The following PDE8B variants were observed in gnomAD, a reference collection of about 807,000 sequenced individuals.
PDE8B encodes the protein high affinity cAMP-specific and IBMX-insensitive 3',5'-cyclic phosphodiesterase 8B.
Under a neutral mutation model 101.3 loss-of-function variants are expected in PDE8B, and 26 were observed. The ratio of observed to expected loss-of-function variants is 0.26; its 90% CI spans 0.19 to 0.36. The LOEUF is 0.36. Among genes scored for constraint, PDE8B ranks in the 10% least tolerant of loss-of-function variants. PDE8B has a pLI of 1.00. For synonymous variants in PDE8B, 424 were observed against 429.3 expected, an observed-to-expected ratio of 0.99 and a Z score of 0.15; for missense variants, 810 against 1,163.1, an observed-to-expected ratio of 0.70 and a Z score of 4.42.
chr5:77,172,237 G>T, the PDE8B span, among the ~76,000 whole-genome samples: 1 of 152,146 alleles, frequency 6.6e-6, no homozygotes, highest in South Asian at 2.1e-4. Flanking sequence ...GTTCATTGTT[G>T]ACTCCTCAGT....
At chr5:77,269,829 A>T (rs867502742) in intron 1 of PDE8B, among the ~76,000 whole-genome samples, 1 of 152,074 alleles carries the variant, frequency 6.6e-6, no homozygotes, top group Non-Finnish European at 1.5e-5. Flanking sequence ...CCATTGCTCT[A>T]TGTGTCCGTT....
intron 1 of PDE8B, among the ~76,000 whole-genome samples, chr5:77,240,376 A>G (rs1326722963): frequency 6.6e-6 from 1 of 151,754 alleles, no homozygotes; most frequent in Admixed American, 6.6e-5. Flanking sequence ...GATGGTCTTG[A>G]TCTCCTGACC....
At chr5:77,108,178 T>A in the PDE8B span, among the ~76,000 whole-genome samples, 2 of 152,208 alleles carry the variant, frequency 1.3e-5, no homozygotes, top group Non-Finnish European at 2.9e-5. Flanking sequence ...AGTTTTTGGT[T>A]TTGTGTTTAG....
At chr5:77,351,018 T>C in intron 8 of PDE8B, 47 bp from the exon 9 acceptor site, 7 of 1,358,414 alleles carry the variant, frequency 5.2e-6, no homozygotes, top group Non-Finnish European at 7.4e-6. Flanking sequence ...CAGGAGCAGC[T>C]GTCATCCTTG....
At chr5:77,252,830 T>C (rs1242399047) in intron 1 of PDE8B, among the ~76,000 whole-genome samples, 1 of 152,222 alleles carries the variant, frequency 6.6e-6, no homozygotes, top group Non-Finnish European at 1.5e-5. Flanking sequence ...GCCAATATTT[T>C]CCATTAATTT....
Position 77,413,000 on chromosome 5 carries a change from G to A in PDE8B, c.1713-111G>A. The A allele has an allele frequency of 4.6e-6, 4 of 869,030 alleles. No homozygotes were observed. In the South Asian group the frequency reaches 5.3e-5, roughly 12 times the overall value. 53.8% of individuals were successfully genotyped at this position (869,030 alleles called of 1,614,324 possible). ...AGGAGATGCTTTTAAACCCCTGTGTGTGTGAAGCTATCATCAGAAGAAAAA... is the reference window on the plus strand; with the variant it reads ...AGGAGATGCTTTTAAACCCCTGTGTATGTGAAGCTATCATCAGAAGAAAAA... On this transcript the variant is annotated intron_variant, in intron 16 of 21. Transcript: ENST00000264917.
intron 5 of PDE8B, among the ~76,000 whole-genome samples, chr5:77,334,153 C>G (rs1007766877): frequency 2.0e-5 from 3 of 152,242 alleles, no homozygotes; most frequent in African/African-American, 7.2e-5. Flanking sequence ...TGCCAGTTAT[C>G]TTTGCCTTCC....
chr5:77,325,603 C>T lies in PDE8B; in HGVS notation c.464C>T (p.Ala155Val). 1 of 1,613,852 alleles carries T rather than the reference C, an allele frequency of 6.2e-7. No homozygotes were observed. The change falls in exon 3 of 22, where the codon GCT (alanine) becomes GTT (valine). Residue 155 changes from alanine (A) to valine (V), a missense_variant. Coordinates refer to ENST00000264917, the MANE Select transcript of PDE8B (RefSeq NM_003719.5). ...GGCTTCTGGTGGGCCTGCGACAGAG[C>T]TGGTTATAGATGCAATATTGCTCGG... The part of the protein sequence containing the change: ...SDGFWWACDR[A>V]GYRCNIARTP...
intron 1 of PDE8B, among the ~76,000 whole-genome samples, chr5:77,279,207 A>C (rs1764458534): frequency 6.6e-6 from 1 of 152,228 alleles, no homozygotes; most frequent in Non-Finnish European, 1.5e-5. Context: ...CTTAGTTCCA[A>C]ATTTCCAATT....
At chr5:77,249,296 C>T (rs559824079) in intron 1 of PDE8B, among the ~76,000 whole-genome samples, 1 of 152,342 alleles carries the variant, frequency 6.6e-6, no homozygotes, top group Non-Finnish European at 1.5e-5. Context: ...ACACCACAAA[C>T]ACTGTCCACT....
the PDE8B span, among the ~76,000 whole-genome samples, chr5:77,182,945 A>C: frequency 6.6e-6 from 1 of 151,898 alleles, no homozygotes; most frequent in Admixed American, 6.5e-5. Flanking sequence ...TTATTATAAG[A>C]GATTAAAAAG....
chr5:77,386,865 C>CTTTT lies in PDE8B; in HGVS notation c.1168-13357_1168-13354dup, dbSNP rs59393259. Among the ~76,000 whole-genome samples, 25 of 51,080 alleles carry CTTTT rather than the reference C, an allele frequency of 4.9e-4. 4 individuals are homozygous for CTTTT. Among genetic ancestry groups the CTTTT allele is most frequent in the African/African-American group, 1.3e-3 (14 of 10,756 alleles). The allele number at this position is 51,080 out of a possible 152,430, so 33.5% of individuals were successfully genotyped here. The stretch of plus-strand genomic sequence containing the variant: ...TTTTGCCTGTTAGTTGATGTAGTTT[C>CTTTT]TTTTTTTTTTTTTTTTTTTTTTTTT... On this transcript the variant is annotated intron_variant, in intron 10 of 21. Transcript: ENST00000264917.
At chr5:77,193,742 A>G in the PDE8B span, among the ~76,000 whole-genome samples, 4 of 152,312 alleles carry the variant, frequency 2.6e-5, no homozygotes, top group East Asian at 7.7e-4. Context: ...TATTGAATCT[A>G]TAGATCAATT....
chr5:77,394,991 G>A (rs140907727), intron 10 of PDE8B, among the ~76,000 whole-genome samples: 70 of 152,262 alleles, frequency 4.6e-4, no homozygotes, highest in African/African-American at 1.0e-3. Context: ...TTCCAATCTA[G>A]GGTAAATACA....
At chr5:77,278,016 A>G (rs1764183723) in intron 1 of PDE8B, among the ~76,000 whole-genome samples, 1 of 152,214 alleles carries the variant, frequency 6.6e-6, no homozygotes, top group South Asian at 2.1e-4. Context: ...TGAGCTAATC[A>G]GAGCTGTTTT....
chr5:77,351,076 G>A lies in PDE8B; in HGVS notation c.1029G>A (p.Gly343=). The change falls in exon 9 of 22, where the codon GGG becomes GGA. Residue 343 remains glycine, a synonymous_variant. Transcript: ENST00000264917. Reference sequence around the variant, plus strand: ...CTTTGTCCATGTAGGAGTGGCAGGGGGTTTACTATGCCAGACGGAAATCCG... The same window carrying A: ...CTTTGTCCATGTAGGAGTGGCAGGGAGTTTACTATGCCAGACGGAAATCCG... The part of the protein sequence containing the change: ...TCIKKGKEWQ[G]VYYARRKSGD... The A allele has an allele frequency of 1.2e-6, 2 of 1,613,386 alleles. No individual in the cohort carries two copies. The highest frequency in any genetic ancestry group is 1.7e-6 in the Non-Finnish European group (2 of 1,179,312).
chr5:77,229,951 A>G (rs1753206813), intron 1 of PDE8B, among the ~76,000 whole-genome samples: 1 of 152,206 alleles, frequency 6.6e-6, no homozygotes, highest in Admixed American at 6.5e-5. Context: ...TATTGGGTAT[A>G]TACTAGGAGT....
At chr5:77,213,892 C>G (rs573611723) in intron 1 of PDE8B, 1 of 151,698 alleles carries the variant, frequency 6.6e-6, no homozygotes, top group East Asian at 1.9e-4. Context: ...ATGATGTCAA[C>G]AGGAACCTTC....
At chr5:77,382,611 G>A (rs1787714217) in intron 10 of PDE8B, among the ~76,000 whole-genome samples, 1 of 151,478 alleles carries the variant, frequency 6.6e-6, no homozygotes. Flanking sequence ...GCCCCAGTGT[G>A]TGATGTGTGA....
Sources: gnomAD v4.1 joint callset for allele counts (sites outside exome capture counted in the v4.1 genomes callset) on GRCh38, gnomAD v4.1.1 for gene constraint, MANE v1.5 for transcripts, NCBI Gene and HGNC (gene_info 2026-07-23, HGNC 2026-07-21) for gene names.